The following NDUFAF6 variants were observed in gnomAD, a reference collection of about 807,000 sequenced individuals.
NDUFAF6 encodes NADH dehydrogenase (ubiquinone) complex I, assembly factor 6.
In NDUFAF6, 45 loss-of-function variants were observed where a neutral mutation model predicts 40.8. That is an observed-to-expected ratio of 1.10 (90% CI 0.87 to 1.42). The LOEUF is 1.42. NDUFAF6 is among the 40% of genes most tolerant of loss of function. The pLI, the probability that NDUFAF6 is intolerant of heterozygous loss-of-function variation, is 0.00. For synonymous variants in NDUFAF6, 185 were observed against 155.9 expected (o/e 1.19, Z -1.39); for missense variants, 435 against 418.5 (o/e 1.04, Z -0.34).
chr8:94,977,776 T>C (rs1165621460), intron 1 of NDUFAF6, among the ~76,000 whole-genome samples: 1 of 152,114 alleles, frequency 6.6e-6, no homozygotes, highest in Non-Finnish European at 1.5e-5. Context: ...CTTCCTGCTT[T>C]TGAAGCTTTT....
rs1022846916 is a variant in NDUFAF6 at position 94,912,651 on chromosome 8, A to C, written c.-936+16724A>C. 2.0e-5 allele frequency among the ~76,000 whole-genome samples: 3 copies of C among 152,134 alleles called. No homozygotes were observed. In the East Asian group the frequency reaches 5.8e-4, roughly 29 times the overall value. On this transcript the variant is annotated intron_variant, in intron 1 of 14. Transcript: ENST00000396113. Reference sequence around the variant, plus strand: ...CTCTACTAAAAAAAAAAAAGAAAGAAAAATACAAAAAATTAGCTGGGCGTG... The same window carrying C: ...CTCTACTAAAAAAAAAAAAGAAAGACAAATACAAAAAATTAGCTGGGCGTG...
chr8:94,898,524 A>G (rs894342694), intron 1 of NDUFAF6, among the ~76,000 whole-genome samples: 1 of 152,168 alleles, frequency 6.6e-6, no homozygotes, highest in Admixed American at 6.5e-5. Context: ...ATCACATCAT[A>G]CTAAGAGTTC....
At chr8:95,075,711 A>G (rs1167914659) in exon 10 of NDUFAF6, 5 of 1,287,724 alleles carry the variant, frequency 3.9e-6, no homozygotes, top group Non-Finnish European at 5.1e-6. Context: ...ACTGGGAGAG[A>G]GATTTGAAGG....
chr8:94,907,257 A>T (rs1447848608), intron 1 of NDUFAF6, among the ~76,000 whole-genome samples: 1 of 152,174 alleles, frequency 6.6e-6, no homozygotes, highest in Non-Finnish European at 1.5e-5. Context: ...CATTTCTCTT[A>T]AGTTTTCAAT....
In NDUFAF6 at chr8:95,088,814, G is replaced by T. The variant is rs185664394; in HGVS notation, n.214-12318G>T. 1.1e-4 allele frequency among the ~76,000 whole-genome samples: 17 copies of T among 152,078 alleles called. No individual in the cohort carries two copies. In the East Asian group the frequency reaches 3.3e-3, roughly 29 times the overall value. On this transcript the variant is annotated intron_variant and non_coding_transcript_variant, in intron 2 of 5. Coordinates refer to the NDUFAF6 transcript ENST00000523184. ...CTCACTTTGTCACCCAGACTGGAGTGCAGTGGCGCCATCTCGGCTCACTGC... is the reference window on the plus strand; with the variant it reads ...CTCACTTTGTCACCCAGACTGGAGTTCAGTGGCGCCATCTCGGCTCACTGC...
chr8:94,985,775 T>G (rs1376566985), intron 2 of NDUFAF6, among the ~76,000 whole-genome samples: 1 of 151,080 alleles, frequency 6.6e-6, no homozygotes, highest in African/African-American at 2.4e-5. Context: ...ACCTTGTGAT[T>G]TGCCCGCCTT....
chr8:94,956,910 C>G (rs570403022), upstream of NDUFAF6, among the ~76,000 whole-genome samples: 1 of 152,256 alleles, frequency 6.6e-6, no homozygotes, highest in South Asian at 2.1e-4. Flanking sequence ...GTGGCTCATG[C>G]CTGTAATCAC....
rs960145419 is a variant in NDUFAF6 at position 95,025,183 on chromosome 8, C to T, written c.175C>T (p.His59Tyr). Residue 59 changes from histidine (H) to tyrosine (Y), a missense_variant, in exon 1 of 9, where the codon CAC becomes TAC. Physicochemically the swap from His to Tyr is moderately conservative, Grantham distance 83. Coordinates refer to ENST00000396124, the MANE Select transcript of NDUFAF6 (RefSeq NM_152416.4). ...CGGACCGGGCGCCTGGGGCACTGAC[C>T]ACTACTGCCTGGAGCTGCTGCGGTG... is the stretch of plus-strand genomic sequence containing the variant. The part of the protein sequence containing the change: ...ASGPGAWGTD[H>Y]YCLELLRKRD... 1.6e-5 allele frequency: 24 copies of T among 1,473,712 alleles called. No individual in the cohort carries two copies. Among genetic ancestry groups the T allele is most frequent in the Non-Finnish European group, 2.0e-5 (23 of 1,124,334 alleles). The allele number at this position is 1,473,712 out of a possible 1,614,324, so 91.3% of individuals were successfully genotyped here.
intron 2 of NDUFAF6, among the ~76,000 whole-genome samples, chr8:95,082,298 G>A (rs766449051): frequency 1.1e-4 from 16 of 152,184 alleles, no homozygotes; most frequent in Non-Finnish European, 2.1e-4. Context: ...GCAACATGAC[G>A]AGACCCTGTC....
chr8:95,117,092 G>A (rs567781222), downstream of NDUFAF6, among the ~76,000 whole-genome samples: 1 of 152,236 alleles, frequency 6.6e-6, no homozygotes, highest in Non-Finnish European at 1.5e-5. Context: ...CTGTATCCAG[G>A]AGCATGGGAT....
intron 8 of NDUFAF6, among the ~76,000 whole-genome samples, chr8:95,056,905 CAAA>C (rs33945993): frequency 7.1e-6 from 1 of 141,070 alleles, no homozygotes. Flanking sequence ...GACTCTGTCT[CAAA>C]AAAAAAAAAA....
intron 1 of NDUFAF6, chr8:94,926,979 A>G (rs1819952163): frequency 6.6e-6 from 1 of 152,260 alleles, no homozygotes; most frequent in African/African-American, 2.4e-5. Context: ...GCCCACTTTT[A>G]ACAGAGTTTA....
At chr8:94,901,648 C>T (rs1219163517) in intron 1 of NDUFAF6, among the ~76,000 whole-genome samples, 1 of 152,184 alleles carries the variant, frequency 6.6e-6, no homozygotes, top group African/African-American at 2.4e-5. Flanking sequence ...GTGGCGCGAT[C>T]TCAGCTCACT....
rs774206879 is a variant in NDUFAF6, at chr8:95,032,070, G to A, written c.273G>A (p.Arg91=). The A allele has an allele frequency of 1.2e-6, 2 of 1,614,054 alleles. No individual in the cohort carries two copies. The highest frequency in any genetic ancestry group is 2.2e-5 in the East Asian group (1 of 44,886). The change falls in exon 2 of 9, where the codon AGG becomes AGA. Residue 91 remains arginine, a synonymous_variant. Coordinates refer to ENST00000396124, the MANE Select transcript of NDUFAF6 (RefSeq NM_152416.4). ...CCCGAAGCTCTGTTTTTGCACTGAG[G>A]GCCTTTAATGTGGAACTGGCTCAGG... The part of the protein sequence containing the change: ...AESRSSVFAL[R]AFNVELAQVK...
chr8:95,065,240 A>C (rs1285683213), intron 9 of NDUFAF6, among the ~76,000 whole-genome samples: 1 of 152,210 alleles, frequency 6.6e-6, no homozygotes, highest in Non-Finnish European at 1.5e-5. Context: ...TTGGGCATGC[A>C]ATTGGTATGG....
intron 1 of NDUFAF6, among the ~76,000 whole-genome samples, chr8:94,973,683 G>A (rs1824671762): frequency 2.0e-5 from 3 of 149,180 alleles, no homozygotes; most frequent in Non-Finnish European, 4.4e-5. Context: ...ACTCCAGCCT[G>A]GGCGACAAGA....
At chr8:95,082,446 T>A (rs1476305421) in intron 2 of NDUFAF6, among the ~76,000 whole-genome samples, 1 of 152,224 alleles carries the variant, frequency 6.6e-6, no homozygotes, top group Non-Finnish European at 1.5e-5. Context: ...ATTCTCATAC[T>A]GTCAGAATCA....
At chr8:95,065,000 T>TGTGGAG (rs1393160349) in intron 9 of NDUFAF6, among the ~76,000 whole-genome samples, 1 of 152,166 alleles carries the variant, frequency 6.6e-6, no homozygotes, top group Non-Finnish European at 1.5e-5. Context: ...TAGCTGAACA[T>TGTGGAG]GTGGAGGTTC....
chr8:94,921,192 C>T (rs535602409), intron 1 of NDUFAF6, among the ~76,000 whole-genome samples: 23 of 152,348 alleles, frequency 1.5e-4, no homozygotes, highest in Admixed American at 2.6e-4. Context: ...CCCTTCTGTC[C>T]TTCTTGCACA....
Sources: gnomAD v4.1 joint callset for allele counts (sites outside exome capture counted in the v4.1 genomes callset) on GRCh38, gnomAD v4.1.1 for gene constraint, MANE v1.5 for transcripts, NCBI Gene and HGNC (gene_info 2026-07-23, HGNC 2026-07-21) for gene names.